Variants in TPPP2 observed in about 807,000 individuals in gnomAD.
The protein encoded by TPPP2 is tubulin polymerization promoting protein family member 2.
Under a neutral mutation model 13.0 loss-of-function variants are expected in TPPP2, and 8 were observed. That is an observed-to-expected ratio of 0.62 (90% CI 0.36 to 1.11). TPPP2 has a LOEUF of 1.11. Ranked by LOEUF, TPPP2 falls within the 50% of genes most tolerant of loss-of-function variation. The probability of loss-of-function intolerance (pLI) is 0.02; values close to 1 mark genes in which losing one functional copy is unlikely to be tolerated. For missense variants in TPPP2, 213 were observed against 216.9 expected (o/e 0.98, Z 0.11); for synonymous variants, 81 against 81.8 (o/e 0.99, Z 0.05).
upstream of TPPP2, chr14:21,025,459 G>T (rs1022126709): frequency 2.4e-5 from 24 of 985,358 alleles, no homozygotes; most frequent in Non-Finnish European, 2.8e-5. This position sits in a 1 kb window ranked among gnomAD's most constrained non-coding sequence, Gnocchi z 5.1. Flanking sequence ...AACCGGTAGT[G>T]GGGAGACGAA....
downstream of TPPP2, chr14:21,033,024 G>C (rs985116487): frequency 4.4e-6 from 2 of 454,174 alleles, no homozygotes; most frequent in African/African-American, 4.0e-5. Context: ...CTGGAGTCTG[G>C]GGGATTTGGG....
chr14:21,029,722 C>T (rs1253670788), upstream of TPPP2, among the ~76,000 whole-genome samples: 4 of 152,130 alleles, frequency 2.6e-5, no homozygotes, highest in African/African-American at 7.2e-5. Flanking sequence ...GGGATTCATA[C>T]CCTTATAAAT....
chr14:21,033,585 G>A, downstream of TPPP2: 2 of 575,386 alleles, frequency 3.5e-6, no homozygotes, highest in Non-Finnish European at 6.2e-6. Flanking sequence ...GGGAGAGGAA[G>A]GATGATGAGG....
At chr14:21,025,694 C>T (rs1011654355), upstream of TPPP2, 19 of 983,634 alleles carry the variant, frequency 1.9e-5, no homozygotes, top group South Asian at 8.0e-4. The surrounding 1 kb of genome is among the most constrained non-coding windows in gnomAD (Gnocchi z 5.1). Flanking sequence ...CTCTTTGCTG[C>T]GTCCCGACGC....
At chr14:21,033,587 A>T (rs1214211797), downstream of TPPP2, 5 of 576,788 alleles carry the variant, frequency 8.7e-6, no homozygotes, top group African/African-American at 1.9e-5. Context: ...GAGAGGAAGG[A>T]TGATGAGGAG....
chr14:21,025,282 A>G, upstream of TPPP2: 5 of 928,180 alleles, frequency 5.4e-6, no homozygotes, highest in Non-Finnish European at 6.4e-6. This position sits in a 1 kb window ranked among gnomAD's most constrained non-coding sequence, Gnocchi z 5.1. Context: ...TGCTCGGCTC[A>G]CCAAAACATT....
upstream of TPPP2, among the ~76,000 whole-genome samples, chr14:21,026,785 G>T (rs1162400690): frequency 6.6e-6 from 1 of 151,952 alleles, no homozygotes; most frequent in Non-Finnish European, 1.5e-5. Context: ...ACAGAAGCTG[G>T]GCACCCTGGC....
chr14:21,025,722 C>G (rs1883505210), upstream of TPPP2: 9 of 851,368 alleles, frequency 1.1e-5, no homozygotes, highest in Non-Finnish European at 1.1e-5. The surrounding 1 kb of genome is among the most constrained non-coding windows in gnomAD (Gnocchi z 5.1). Flanking sequence ...CCGGCTGCTC[C>G]GGGAGAAGTT....
upstream of TPPP2, among the ~76,000 whole-genome samples, chr14:21,029,951 C>T (rs1041492031): frequency 2.6e-5 from 4 of 152,222 alleles, no homozygotes; most frequent in Non-Finnish European, 5.9e-5. Context: ...ACAACACCTT[C>T]CCTGGGCTCG....
In TPPP2 at chr14:21,032,037, G is replaced by A. The variant is rs1884230326; in HGVS notation, c.473G>A (p.Gly158Asp). ...ACTGACAACACAGGCTATGTGAGTG[G>A]TTACAAGGGTTCTGGCACCTACGAT... ...EMTDNTGYVS[G>D]YKGSGTYDKK... Residue 158 changes from glycine to aspartate, a missense_variant, in exon 4 of 4, where the codon GGT becomes GAT. Gly to Asp is a moderately conservative substitution (Grantham distance 94, BLOSUM62 -1). Coordinates refer to ENST00000321760, the MANE Select transcript of TPPP2 (RefSeq NM_173846.5). 6.8e-6 allele frequency: 11 copies of A among 1,614,160 alleles called. No individual in the cohort carries two copies. Among genetic ancestry groups the A allele is most frequent in the Non-Finnish European group, 8.5e-6 (10 of 1,180,032 alleles).
chr14:21,026,191 G>T (rs1416432774), upstream of TPPP2, among the ~76,000 whole-genome samples: 2 of 152,088 alleles, frequency 1.3e-5, no homozygotes, highest in Non-Finnish European at 2.9e-5. Context: ...CTCTCCTTGT[G>T]CCCCTCGGAG....
upstream of TPPP2, chr14:21,025,671 T>A (rs938671932): frequency 1.0e-6 from 1 of 984,106 alleles, no homozygotes; most frequent in Non-Finnish European, 1.2e-6. This position sits in a 1 kb window ranked among gnomAD's most constrained non-coding sequence, Gnocchi z 5.1. Context: ...CCCAGAGTCC[T>A]GGTACCTCTC....
upstream of TPPP2, among the ~76,000 whole-genome samples, chr14:21,029,468 G>A (rs1444961076): frequency 1.3e-5 from 2 of 152,090 alleles, no homozygotes; most frequent in Non-Finnish European, 2.9e-5. Context: ...AGGCATAGTG[G>A]CTGGGCTAAT....
At chr14:21,031,277 C>A (rs751758302) in intron 3 of TPPP2, 112 bp downstream of exon 3, 219 of 1,376,542 alleles carry the variant, frequency 1.6e-4, no homozygotes, top group Non-Finnish European at 2.0e-4. Context: ...CCGAAACAGA[C>A]TTTAGAGATC....
At chr14:21,027,483 A>G (rs952665143), upstream of TPPP2, among the ~76,000 whole-genome samples, 3 of 152,226 alleles carry the variant, frequency 2.0e-5, no homozygotes, top group Non-Finnish European at 4.4e-5. Flanking sequence ...TATAAGATCA[A>G]TCATTTGGAC....
chr14:21,035,987 C>T, downstream of TPPP2: 1 of 384,086 alleles, frequency 2.6e-6, no homozygotes, highest in Non-Finnish European at 5.2e-6. Flanking sequence ...CCACTGAAAG[C>T]TTCCTTGTTT....
intron 3 of TPPP2, chr14:21,031,432 G>T: frequency 2.1e-6 from 1 of 486,006 alleles, no homozygotes; most frequent in Non-Finnish European, 3.6e-6. Context: ...GGTAGCTTTT[G>T]GAGGACATTA....
chr14:21,030,411 A>G, intron 1 of TPPP2, 102 bp from the exon 2 acceptor site: 2 of 661,286 alleles, frequency 3.0e-6, no homozygotes, highest in Non-Finnish European at 5.2e-6. Flanking sequence ...GCGTAGGTGC[A>G]ATGGGAGCTG....
downstream of TPPP2, chr14:21,034,331 G>T (rs760144550): frequency 3.5e-6 from 5 of 1,434,590 alleles, no homozygotes; most frequent in Admixed American, 3.7e-5. Context: ...GCAGCAGTGG[G>T]CCTGAAGTGG....
Sources: allele counts gnomAD v4.1 joint callset (sites outside exome capture counted in the v4.1 genomes callset), GRCh38; gene constraint gnomAD v4.1.1; non-coding constraint Gnocchi (gnomAD v3.1); transcripts MANE v1.5; gene names NCBI Gene and HGNC (gene_info 2026-07-23, HGNC 2026-07-21).